The following CUL4B variants were observed in gnomAD, a reference collection of about 807,000 sequenced individuals.
The protein encoded by CUL4B is cullin-4B.
A neutral mutation model predicts 69.2 loss-of-function variants in CUL4B; 1 was observed. The observed-to-expected ratio is 0.01, with a 90% CI of 0.01 to 0.07. The LOEUF (loss-of-function observed/expected upper bound fraction) is 0.07, where lower values mean the gene tolerates loss of function less well. Ranked by LOEUF, CUL4B falls within the 10% of genes least tolerant of loss-of-function variation. The probability of loss-of-function intolerance (pLI) is 1.00; values close to 1 mark genes in which losing one functional copy is unlikely to be tolerated. For synonymous variants in CUL4B, 237 were observed against 223.2 expected, an observed-to-expected ratio of 1.06 and a Z score of -0.55; for missense variants, 328 against 638.8, an observed-to-expected ratio of 0.51 and a Z score of 5.24.
intron 1 of CUL4B, among the ~76,000 whole-genome samples, chrX:120,558,595 T>C (rs1925114294): frequency 8.9e-6 from 1 of 111,833 alleles, no homozygotes; most frequent in Non-Finnish European, 1.9e-5. Context: ...GCAGCATCTA[T>C]AGAAATGGAA....
intron 19 of CUL4B, among the ~76,000 whole-genome samples, chrX:120,527,822 T>C (rs1316413968): frequency 8.9e-6 from 1 of 112,236 alleles, no homozygotes; most frequent in Non-Finnish European, 1.9e-5. Context: ...TTAAAGGTGT[T>C]CAACCTGTAC....
rs1923924592 is a variant in CUL4B at position 120,540,502 on chromosome X, G to C, written c.1504C>G (p.Leu502Val). ...EKDKTMVQEL[L>V]DFKDKVDHII... Reference sequence around the variant, plus strand: ...TGGTCAACCTTATCTTTAAAATCCAGCAATTCTTGAACCATGGTTTTATCT... The same window carrying C: ...TGGTCAACCTTATCTTTAAAATCCACCAATTCTTGAACCATGGTTTTATCT... Residue 502 changes from leucine (L) to valine (V), a missense_variant, in exon 11 of 20, where the codon CTG (leucine) becomes GTG (valine). By Grantham distance (32) the Leu-to-Val change is conservative. Coordinates refer to ENST00000371322, the MANE Select transcript of CUL4B (RefSeq NM_001079872.2). 1 of 1,204,622 alleles carries C rather than the reference G, an allele frequency of 8.3e-7. No homozygotes were observed. Among genetic ancestry groups the C allele is most frequent in the Non-Finnish European group, 1.1e-6 (1 of 891,579 alleles).
rs1464061635 is a variant in CUL4B, at chrX:120,540,554, G to T, written c.1452C>A (p.Gly484=). Residue 484 remains glycine (G), a synonymous_variant, in exon 11 of 20, where the codon GGC becomes GGA. Coordinates refer to ENST00000371322, the MANE Select transcript of CUL4B (RefSeq NM_001079872.2). ...TTTCAGGATTAATTACAATAGTGCT[G>T]CCAAATGCCTAAAACAAAAAATTAC... ...QQWIEYIKAF[G]STIVINPEKD... is the part of the protein sequence containing the mutation. The T allele has an allele frequency of 8.4e-7, 1 of 1,197,417 alleles. No homozygotes were observed. Among genetic ancestry groups the T allele is most frequent in the African/African-American group, 1.7e-5 (1 of 57,382 alleles).
chrX:120,551,431 C>A (rs892072717), intron 2 of CUL4B, among the ~76,000 whole-genome samples: 6 of 110,820 alleles, frequency 5.4e-5, no homozygotes, highest in Non-Finnish European at 1.1e-4. Flanking sequence ...GAACTCCTGA[C>A]TTCAAGTGAA....
chrX:120,551,356 C>G (rs1026707774), intron 2 of CUL4B, among the ~76,000 whole-genome samples: 2 of 110,398 alleles, frequency 1.8e-5, no homozygotes, highest in African/African-American at 6.6e-5. Flanking sequence ...CGCCGCCACA[C>G]TCAGCTAGGT....
In CUL4B at chrX:120,560,415, G is replaced by A. The variant is rs747997744; in HGVS notation, c.224C>T (p.Ser75Leu). The change falls in exon 1 of 20, where the codon TCG becomes TTG. Residue 75 changes from serine (S) to leucine (L), a missense_variant. Transcript: ENST00000371322. ...GAAGGACGAGGTTGAAGGGGATGCC[G>A]AATCCCTGGGTTGTAAAGGAGGAGT... ...SSTPPLQPRD[S>L]ASPSTSSFCL... 1 of 1,209,520 alleles carries A rather than the reference G, an allele frequency of 8.3e-7. No homozygotes were observed. The highest frequency in any genetic ancestry group is 2.2e-5 in the Admixed American group (1 of 45,934).
chrX:120,544,932 AAC>A (rs1362656371), intron 5 of CUL4B, among the ~76,000 whole-genome samples: 18 of 112,442 alleles, frequency 1.6e-4, no homozygotes, highest in African/African-American at 5.8e-4. Context: ...TGCTCAAATC[AAC>A]AGACAAAATT....
At position 120,547,247 on chromosome X, in the gene CUL4B, G is replaced by A; in HGVS notation, c.673-8C>T. 1.9e-6 allele frequency: 2 copies of A among 1,072,725 alleles called. No individual in the cohort carries two copies. Among genetic ancestry groups the A allele is most frequent in the African/African-American group, 3.6e-5 (2 of 55,241 alleles). 88.4% of individuals were successfully genotyped at this position (1,072,725 alleles called of 1,213,427 possible). On this transcript the variant is annotated splice_polypyrimidine_tract_variant and splice_region_variant and intron_variant, in intron 2 of 19. Transcript: ENST00000371322. ...ACAGAGATTTTCTACAGCCTGCAAG[G>A]TTAAAATACTTTCTTAAGGAGAGGA... is the stretch of plus-strand genomic sequence containing the variant.
intron 10 of CUL4B, among the ~76,000 whole-genome samples, chrX:120,541,263 G>C (rs1196764551): frequency 8.9e-6 from 1 of 112,417 alleles, no homozygotes; most frequent in Non-Finnish European, 1.9e-5. Context: ...ACTTTGGGAG[G>C]CCAAGGCGGG....
exon 3 of CUL4B, chrX:120,571,243 T>C (rs1925703102): frequency 9.0e-6 from 1 of 111,447 alleles, no homozygotes; most frequent in African/African-American, 3.3e-5. Flanking sequence ...TTTGTATGTA[T>C]TAAAATTACA....
chrX:120,530,067 T>G, intron 19 of CUL4B, 35 bp downstream of exon 19: 1 of 1,182,010 alleles, frequency 8.5e-7, no homozygotes, highest in Non-Finnish European at 1.2e-6. Flanking sequence ...CTTTTATTTA[T>G]AACACGCTCA....
Position 120,526,963 on chromosome X carries a change from C to A in CUL4B, c.2593-107G>T, listed in dbSNP as rs1473659067. ...AACAGTTTCGGCTCATGAATTTAAT[C>A]TCCTTTTTTAAAATTTTTATTTATT... On this transcript the variant is annotated intron_variant, in intron 19 of 19. Coordinates refer to ENST00000371322, the MANE Select transcript of CUL4B (RefSeq NM_001079872.2). 7 of 389,211 alleles carry A rather than the reference C, an allele frequency of 1.8e-5. No homozygotes were observed. The African/African-American group carries it at 1.8e-4, about 10-fold the overall frequency. The allele number at this position is 389,211 out of a possible 1,213,427, so 32.1% of individuals were successfully genotyped here.
chrX:120,534,624 T>A (rs759765793), intron 16 of CUL4B, 38 bp from the exon 17 acceptor site: 13 of 895,220 alleles, frequency 1.5e-5, no homozygotes, highest in East Asian at 9.3e-5. Context: ...ATCACTTTTT[T>A]AAAAACACAT....
chrX:120,525,343 G>C lies in CUL4B; in HGVS notation c.*1418C>G, dbSNP rs1413041037. 9.0e-6 allele frequency: 1 copy of C among 111,383 alleles called. No individual in the cohort carries two copies. Among genetic ancestry groups the C allele is most frequent in the Non-Finnish European group, 1.9e-5 (1 of 53,042 alleles). 9.2% of individuals were successfully genotyped at this position (111,383 alleles called of 1,213,427 possible). Reference sequence around the variant, plus strand: ...AATATGCTGTGGCAAAAAGCATTAAGTAGTTCTGATTTTTAACAAACATAA... The same window carrying C: ...AATATGCTGTGGCAAAAAGCATTAACTAGTTCTGATTTTTAACAAACATAA... On this transcript the variant is annotated 3_prime_UTR_variant, in exon 20 of 20. Transcript: ENST00000371322.
At position 120,560,726 on chromosome X, in the gene CUL4B, G is replaced by T; in HGVS notation, c.-88C>A. 1 of 1,101,474 alleles carries T rather than the reference G, an allele frequency of 9.1e-7. No individual in the cohort carries two copies. Among genetic ancestry groups the T allele is most frequent in the Non-Finnish European group, 1.2e-6 (1 of 838,381 alleles). The allele number at this position is 1,101,474 out of a possible 1,213,427, so 90.8% of individuals were successfully genotyped here. A position where few individuals can be genotyped will look rare whatever the true frequency, so the allele number is the denominator to read the frequency against. On this transcript the variant is annotated 5_prime_UTR_variant, in exon 1 of 20. Transcript: ENST00000371322. ...TGTAGGAGAGAAGGTAGCAATGCTA[G>T]AGGGGGAAGGGAAGAAAGAAGAGAG...
intron 2 of CUL4B, among the ~76,000 whole-genome samples, chrX:120,547,934 A>G (rs776725529): frequency 5.1e-4 from 56 of 110,617 alleles, no homozygotes; most frequent in African/African-American, 1.7e-3. Context: ...CAGTTTTGGG[A>G]ATCAACCTGG....
intron 1 of CUL4B, 174 bp downstream of exon 1, chrX:120,559,909 A>G: frequency 8.8e-7 from 1 of 1,139,178 alleles, no homozygotes; most frequent in Non-Finnish European, 1.2e-6. Flanking sequence ...AAGGATCCTA[A>G]CCACCCCCGG....
intron 18 of CUL4B, among the ~76,000 whole-genome samples, chrX:120,530,483 T>C (rs1449506384): frequency 8.9e-6 from 1 of 112,419 alleles, no homozygotes; most frequent in Non-Finnish European, 1.9e-5. Flanking sequence ...TATTAGTTAA[T>C]AGAAAAACAT....
downstream of CUL4B, among the ~76,000 whole-genome samples, chrX:120,567,370 G>A (rs1009309290): frequency 8.2e-5 from 9 of 109,507 alleles, no homozygotes; most frequent in Non-Finnish European, 1.7e-4. Flanking sequence ...CAGGTGATCC[G>A]CCCACCTCGG....
Sources: gnomAD v4.1 joint callset for allele counts (sites outside exome capture counted in the v4.1 genomes callset) on GRCh38, gnomAD v4.1.1 for gene constraint, MANE v1.5 for transcripts, NCBI Gene and HGNC (gene_info 2026-07-23, HGNC 2026-07-21) for gene names.